The following ADGRV1 variants were observed in gnomAD, a reference collection of about 807,000 sequenced individuals.
The protein encoded by ADGRV1 is G-protein coupled receptor 98.
Under a neutral mutation model 596.2 loss-of-function variants are expected in ADGRV1, and 359 were observed. The observed-to-expected ratio is 0.60, with a 90% CI of 0.55 to 0.66. ADGRV1 has a LOEUF of 0.66. ADGRV1 is among the 30% of genes least tolerant of loss of function. The pLI, the probability that ADGRV1 is intolerant of heterozygous loss-of-function variation, is 0.00. For missense variants in ADGRV1, 7,274 were observed against 7,575.6 expected (o/e 0.96, Z 1.48); for synonymous variants, 2,681 against 2,679.2 (o/e 1.00, Z -0.02).
At chr5:90,809,203 A>G (rs1017365991) in intron 73 of ADGRV1, among the ~76,000 whole-genome samples, 6 of 150,262 alleles carry the variant, frequency 4.0e-5, no homozygotes, top group Admixed American at 1.3e-4. Flanking sequence ...TGATCCGCCC[A>G]CCTCGGCCTC....
chr5:91,000,344 A>G (rs971219528), intron 85 of ADGRV1, among the ~76,000 whole-genome samples: 12 of 152,196 alleles, frequency 7.9e-5, no homozygotes, highest in African/African-American at 2.9e-4. Flanking sequence ...CTCCATCCCC[A>G]TTTTTAATAT....
intron 83 of ADGRV1, among the ~76,000 whole-genome samples, chr5:90,897,570 C>T (rs1561911051): frequency 6.6e-6 from 1 of 152,112 alleles, no homozygotes; most frequent in Non-Finnish European, 1.5e-5. Flanking sequence ...CATATTTTCT[C>T]CTTTTTGTGC....
In ADGRV1 at chr5:90,694,178, C is replaced by G. The variant is rs1165232311; in HGVS notation, c.7422C>G (p.Val2474=). 1.1e-5 allele frequency: 18 copies of G among 1,613,688 alleles called. No homozygotes were observed. Among genetic ancestry groups the G allele is most frequent in the Non-Finnish European group, 1.4e-5 (17 of 1,179,862 alleles). Residue 2474 remains valine (V), a synonymous_variant, in exon 33 of 90, where the codon GTC becomes GTG. Coordinates refer to ENST00000405460, the MANE Select transcript of ADGRV1 (RefSeq NM_032119.4). ...FWMTSWISPA[V]NNSDFWTYRK... ...TGACATCATGGATCAGCCCAGCTGTCAACAATTCAGACTTCTGGACCTACA... is the reference window on the plus strand; with the variant it reads ...TGACATCATGGATCAGCCCAGCTGTGAACAATTCAGACTTCTGGACCTACA...
At position 90,706,415 on chromosome 5, in the gene ADGRV1, T is replaced by TTA. The variant is rs397817530; in HGVS notation, c.8730+21_8730+22insTA. 6 of 1,534,148 alleles carry TTA rather than the reference T, an allele frequency of 3.9e-6. No individual in the cohort carries two copies. The East Asian group carries it at 1.4e-4, about 36-fold the overall frequency. On this transcript the variant is annotated intron_variant, in intron 38 of 89. Transcript: ENST00000405460. ...TTGAGGTAAAACTCTTTTTTTTTTT[T>TTA]AATCTTAGGGGGAGATAGTTTAATA...
chr5:90,606,743 A>G (rs1460619385), intron 1 of ADGRV1, among the ~76,000 whole-genome samples: 1 of 151,996 alleles, frequency 6.6e-6, no homozygotes, highest in East Asian at 1.9e-4. Context: ...ACATCAATCA[A>G]AAGTGGTTGC....
chr5:91,009,701 A>G (rs1782570809), intron 85 of ADGRV1, among the ~76,000 whole-genome samples: 1 of 152,062 alleles, frequency 6.6e-6, no homozygotes, highest in African/African-American at 2.4e-5. Context: ...TGCAGTAGCT[A>G]AAGAGAAATT....
chr5:91,078,054 C>T (rs1294070992), intron 86 of ADGRV1, among the ~76,000 whole-genome samples: 2 of 152,082 alleles, frequency 1.3e-5, no homozygotes, highest in Non-Finnish European at 2.9e-5. Flanking sequence ...CTGGATCCAG[C>T]TAGTCATGTA....
chr5:90,727,343 T>C (rs1751931511), intron 48 of ADGRV1, among the ~76,000 whole-genome samples: 2 of 152,132 alleles, frequency 1.3e-5, no homozygotes, highest in South Asian at 4.1e-4. Context: ...ATCGAGTTTA[T>C]CATTAAGTAT....
At chr5:90,982,120 C>A (rs935253195) in intron 84 of ADGRV1, among the ~76,000 whole-genome samples, 1 of 152,176 alleles carries the variant, frequency 6.6e-6, no homozygotes, top group Non-Finnish European at 1.5e-5. Context: ...AATCATCTCA[C>A]TTGTTCTTAT....
intron 1 of ADGRV1, among the ~76,000 whole-genome samples, chr5:90,573,851 C>T (rs1031748164): frequency 2.6e-5 from 4 of 152,030 alleles, no homozygotes; most frequent in South Asian, 4.1e-4. Context: ...TGTGTGTGCA[C>T]GTGTGCATGT....
In ADGRV1 at chr5:90,708,875, C is replaced by T. The variant is rs757772044; in HGVS notation, c.8790C>T (p.Thr2930=). ...TGAATTTAACTTACGTTGGACTTAC[C>T]ATGGCTGCTTCAACTTCATTTCCTC... ...FLVNLTYVGL[T]MAASTSFPPR... The change falls in exon 39 of 90, where the codon ACC becomes ACT. Residue 2930 remains threonine, a synonymous_variant. Coordinates refer to ENST00000405460, the MANE Select transcript of ADGRV1 (RefSeq NM_032119.4). 1.2e-6 allele frequency: 2 copies of T among 1,611,958 alleles called. No homozygotes were observed. Among genetic ancestry groups the T allele is most frequent in the East Asian group, 2.2e-5 (1 of 44,712 alleles).
At chr5:90,745,510 A>T in intron 51 of ADGRV1, 81 bp from the exon 52 acceptor site, 1 of 961,346 alleles carries the variant, frequency 1.0e-6, no homozygotes, top group Non-Finnish European at 1.5e-6. Flanking sequence ...TTTAATATCA[A>T]TTAATGTAAT....
chr5:90,807,759 C>T (rs1181226350), intron 73 of ADGRV1, 22 bp downstream of exon 73: 2 of 1,501,496 alleles, frequency 1.3e-6, no homozygotes, highest in African/African-American at 2.8e-5. Flanking sequence ...CTCATTCTCA[C>T]CCAAGAAATT....
intron 84 of ADGRV1, among the ~76,000 whole-genome samples, chr5:90,967,040 G>C (rs539676673): frequency 6.6e-6 from 1 of 152,126 alleles, no homozygotes; most frequent in Non-Finnish European, 1.5e-5. Flanking sequence ...AGAAAGTGAG[G>C]TGGTGGTATT....
chr5:90,847,916 G>A (rs1043910876), intron 78 of ADGRV1, among the ~76,000 whole-genome samples: 15 of 152,288 alleles, frequency 9.8e-5, no homozygotes, highest in African/African-American at 3.4e-4. Context: ...ACAGTGCAGC[G>A]GTGGGCTGAA....
intron 85 of ADGRV1, among the ~76,000 whole-genome samples, chr5:91,052,852 G>A (rs1451515647): frequency 6.6e-6 from 1 of 152,108 alleles, no homozygotes; most frequent in Non-Finnish European, 1.5e-5. Context: ...AAAAAAGTCA[G>A]GGAATAAACA....
intron 79 of ADGRV1, among the ~76,000 whole-genome samples, chr5:90,852,372 T>C (rs1766619719): frequency 6.6e-6 from 1 of 152,334 alleles, no homozygotes; most frequent in South Asian, 2.1e-4. Context: ...TCTACATCTA[T>C]TGTGACATAT....
At chr5:90,748,822 T>TTA (rs397963256) in intron 52 of ADGRV1, among the ~76,000 whole-genome samples, 2 of 150,758 alleles carry the variant, frequency 1.3e-5, no homozygotes, top group African/African-American at 4.9e-5. Context: ...AGTTTTTTTT[T>TTA]GTTTTTTTTT....
chr5:90,810,465 C>T lies in ADGRV1; in HGVS notation c.15205C>T (p.Gln5069Ter). The T allele has an allele frequency of 1.9e-6, 3 of 1,613,824 alleles. No individual in the cohort carries two copies. The highest frequency in any genetic ancestry group is 2.5e-6 in the Non-Finnish European group (3 of 1,179,804). ...TGGGGAACTGTTTTTTCAAAAATTC[C>T]AAACTGAGGTTGATTTTGAAATAAC... The part of the protein sequence containing the change: ...QNGELFFQKF[Q>*]TEVDFEITII... Residue 5069 changes from glutamine (Q) to a stop codon, truncating the protein, a stop_gained, in exon 74 of 90, where the codon CAA (glutamine) becomes TAA (stop). Coordinates refer to ENST00000405460, the MANE Select transcript of ADGRV1 (RefSeq NM_032119.4). LOFTEE classifies it high-confidence loss of function.
Sources: allele counts gnomAD v4.1 joint callset (sites outside exome capture counted in the v4.1 genomes callset), GRCh38; gene constraint gnomAD v4.1.1; transcripts MANE v1.5; gene names NCBI Gene and HGNC (gene_info 2026-07-23, HGNC 2026-07-21).